Variants in MYO7B observed in about 807,000 individuals in gnomAD.
MYO7B encodes the protein myosin VIIB.
In MYO7B, 212 loss-of-function variants were observed where a neutral mutation model predicts 259.7. That is an observed-to-expected ratio of 0.82 (90% CI 0.73 to 0.91). MYO7B has a LOEUF of 0.91. Among genes scored for constraint, MYO7B ranks in the 40% least tolerant of loss-of-function variants. The pLI is 0.00. For synonymous variants in MYO7B, 1,197 were observed against 1,166.4 expected (o/e 1.03, Z -0.54); for missense variants, 2,732 against 2,813.5 (o/e 0.97, Z 0.66).
chr2:127,634,391 G>A (rs1681682403), intron 41 of MYO7B, 102 bp downstream of exon 41: 1 of 1,009,188 alleles, frequency 9.9e-7, no homozygotes, highest in Non-Finnish European at 1.5e-6. Flanking sequence ...CACCCATGCT[G>A]GACCAGGCTG....
intron 1 of MYO7B, among the ~76,000 whole-genome samples, chr2:127,556,658 G>A (rs1161477961): frequency 6.6e-6 from 1 of 152,144 alleles, no homozygotes; most frequent in Non-Finnish European, 1.5e-5. Context: ...GCTTAGTTTT[G>A]CTGGATACAA....
chr2:127,629,715 C>A lies in MYO7B; in HGVS notation c.4695C>A (p.Ala1565=). 6.2e-7 allele frequency: 1 copy of A among 1,612,388 alleles called. No individual in the cohort carries two copies. The highest frequency in any genetic ancestry group is 8.5e-7 in the Non-Finnish European group (1 of 1,179,490). ...LVLTKKQGLL[A]SENWTLGQND... Reference sequence around the variant, plus strand: ...TCACAAAGAAGCAGGGGCTGCTGGCCTCTGAGAACTGGACCCTCGGCCAGA... The same window carrying A: ...TCACAAAGAAGCAGGGGCTGCTGGCATCTGAGAACTGGACCCTCGGCCAGA... Residue 1565 remains alanine, a synonymous_variant, in exon 35 of 48, where the codon GCC becomes GCA. Coordinates refer to ENST00000409816, the MANE Select transcript of MYO7B (RefSeq NM_001393586.1).
rs1383758658 is a variant in MYO7B, at chr2:127,564,154, G to T, written c.20G>T (p.Gly7Val). Residue 7 changes from glycine to valine, a missense_variant and splice_region_variant, in exon 3 of 48, where the codon GGT becomes GTT. Around this residue, in one of 3 missense-constraint regions of MYO7B, gnomAD observed 1,906 missense variants for 2,026.4 expected, o/e 0.94. Coordinates refer to ENST00000409816, the MANE Select transcript of MYO7B (RefSeq NM_001393586.1). MSGFRL[G>V]DHVWLEPPST... ...CACTGTCTTCTGTCTGCCCTCCAGGGTGACCACGTGTGGCTGGAGCCTCCC... is the reference window on the plus strand; with the variant it reads ...CACTGTCTTCTGTCTGCCCTCCAGGTTGACCACGTGTGGCTGGAGCCTCCC... The T allele has an allele frequency of 6.4e-7, 1 of 1,558,382 alleles. No homozygotes were observed. The highest frequency in any genetic ancestry group is 8.7e-7 in the Non-Finnish European group (1 of 1,150,138).
chr2:127,626,437 G>A (rs1681120011), intron 31 of MYO7B: 1 of 155,310 alleles, frequency 6.4e-6, no homozygotes, highest in Non-Finnish European at 1.4e-5. Flanking sequence ...GGGACGGGAT[G>A]GCCTTCCTCC....
In MYO7B at chr2:127,627,470, G is replaced by T. The variant is rs1485297417; in HGVS notation, c.4460+160G>T. 32 of 997,052 alleles carry T rather than the reference G, an allele frequency of 3.2e-5. No homozygotes were observed. Among genetic ancestry groups the T allele is most frequent in the Non-Finnish European group, 4.9e-5 (32 of 659,392 alleles). The allele number at this position is 997,052 out of a possible 1,614,324, so 61.8% of individuals were successfully genotyped here. On this transcript the variant is annotated intron_variant, in intron 33 of 47. Coordinates refer to ENST00000409816, the MANE Select transcript of MYO7B (RefSeq NM_001393586.1). This position sits in a 1 kb window ranked among gnomAD's most constrained non-coding sequence, Gnocchi z 5.6. Reference sequence around the variant, plus strand: ...TATGCGATGGCTTCTGTACTTCGGAGCCCCACCCTCCTGCACCAGGCCGTA... The same window carrying T: ...TATGCGATGGCTTCTGTACTTCGGATCCCCACCCTCCTGCACCAGGCCGTA...
rs572065052 is a variant in MYO7B at position 127,588,569 on chromosome 2, C to A, written c.1854+14C>A. On this transcript the variant is annotated intron_variant, in intron 15 of 47. Coordinates refer to ENST00000409816, the MANE Select transcript of MYO7B (RefSeq NM_001393586.1). The stretch of plus-strand genomic sequence containing the variant: ...CATCTCTTCAAGGTGGGCTCCCAGG[C>A]ACCCTCCTGGGTCTGTCACCCCTGA... The A allele has an allele frequency of 3.5e-5, 57 of 1,612,432 alleles. 1 individual carries two copies. The South Asian group carries it at 6.3e-4, about 18-fold the overall frequency.
At chr2:127,537,642 C>G (rs1032589628) in intron 1 of MYO7B, among the ~76,000 whole-genome samples, 3 of 151,226 alleles carry the variant, frequency 2.0e-5, no homozygotes, top group African/African-American at 7.3e-5. Flanking sequence ...TGGGGAGACT[C>G]CATCTCTATA....
At chr2:127,634,785 TC>T in intron 42 of MYO7B, 102 bp downstream of exon 42, 1 of 1,122,356 alleles carries the variant, frequency 8.9e-7, no homozygotes, top group Non-Finnish European at 1.3e-6. Context: ...ATCCATTCGT[TC>T]CCGTGTGTCC....
In MYO7B at chr2:127,630,068, T is replaced by G. The variant is rs367935093; in HGVS notation, c.4806+242T>G. ...CCCTCCCTCTTCCATCATGGGGGTG[T>G]CCGGGGGACAAACCCAATCTTTCTC... is the stretch of plus-strand genomic sequence containing the variant. On this transcript the variant is annotated intron_variant, in intron 35 of 47. Coordinates refer to ENST00000409816, the MANE Select transcript of MYO7B (RefSeq NM_001393586.1). 3.1e-4 allele frequency among the ~76,000 whole-genome samples: 47 copies of G among 151,600 alleles called. 1 individual carries two copies. The South Asian group carries it at 9.3e-3, about 30-fold the overall frequency.
Position 127,609,781 on chromosome 2 carries a change from CGG to C in MYO7B, c.3025-65_3025-64del. On this transcript the variant is annotated intron_variant, in intron 23 of 47. Coordinates refer to ENST00000409816, the MANE Select transcript of MYO7B (RefSeq NM_001393586.1). The surrounding 1 kb of genome is among the most constrained non-coding windows in gnomAD (Gnocchi z 6.9). ...CGAGCCTGGGGTGTGAGCTATGGCT[CGG>C]GGAAAGAAGGAAGGGGCCATAGTCA... 1 of 1,611,138 alleles carries C rather than the reference CGG, an allele frequency of 6.2e-7. No homozygotes were observed. The highest frequency in any genetic ancestry group is 8.5e-7 in the Non-Finnish European group (1 of 1,177,636).
In MYO7B at chr2:127,620,466, G is replaced by T; in HGVS notation, c.3525G>T (p.Lys1175Asn). 6.3e-7 allele frequency: 1 copy of T among 1,578,246 alleles called. No individual in the cohort carries two copies. Among genetic ancestry groups the T allele is most frequent in the South Asian group, 1.1e-5 (1 of 87,718 alleles). ...TCCCACCCTCAGAGAGGTTCATGAA[G>T]GTGAGAGGGTTCATGAAGGGAGGGC... ...GCFPPSERFM[K>N]YLLNFIGQGP... The change falls in exon 27 of 48, where the codon AAG becomes AAT. Residue 1175 changes from lysine (K) to asparagine (N), a missense_variant and splice_region_variant. Lys to Asn is a moderately conservative substitution (Grantham distance 94). Coordinates refer to ENST00000409816, the MANE Select transcript of MYO7B (RefSeq NM_001393586.1).
Position 127,627,448 on chromosome 2 carries a change from G to T in MYO7B, c.4460+138G>T. The T allele has an allele frequency of 8.3e-7, 1 of 1,208,272 alleles. No individual in the cohort carries two copies. The highest frequency in any genetic ancestry group is 1.3e-5 in the South Asian group (1 of 75,018). 74.8% of individuals were successfully genotyped at this position (1,208,272 alleles called of 1,614,324 possible). ...GGTGGAGGGACAAGAATCTACGTAT[G>T]CGATGGCTTCTGTACTTCGGAGCCC... On this transcript the variant is annotated intron_variant, in intron 33 of 47. Transcript: ENST00000409816. This position sits in a 1 kb window ranked among gnomAD's most constrained non-coding sequence, Gnocchi z 5.6.
intron 24 of MYO7B, among the ~76,000 whole-genome samples, chr2:127,610,364 T>A (rs1027949508): frequency 6.6e-6 from 1 of 152,226 alleles, no homozygotes; most frequent in African/African-American, 2.4e-5. Flanking sequence ...CAGCTGCTAC[T>A]CTTAATTCAA....
At chr2:127,566,357 G>A (rs1218926068) in intron 4 of MYO7B, among the ~76,000 whole-genome samples, 1 of 152,188 alleles carries the variant, frequency 6.6e-6, no homozygotes, top group Non-Finnish European at 1.5e-5. Flanking sequence ...TTTTTATCGA[G>A]CCCCTTCTAA....
intron 31 of MYO7B, chr2:127,626,308 C>T (rs949325483): frequency 5.2e-5 from 8 of 152,506 alleles, no homozygotes; most frequent in African/African-American, 1.4e-4. Flanking sequence ...AAGATGCCCT[C>T]CTGCACGGAA....
chr2:127,571,595 C>T, intron 6 of MYO7B, among the ~76,000 whole-genome samples: 1 of 151,862 alleles, frequency 6.6e-6, no homozygotes, highest in Non-Finnish European at 1.5e-5. Flanking sequence ...ATTCTCCTGC[C>T]TCAGCCTCCC....
At chr2:127,599,390 T>C (rs1196760422) in intron 19 of MYO7B, among the ~76,000 whole-genome samples, 1 of 152,246 alleles carries the variant, frequency 6.6e-6, no homozygotes, top group African/African-American at 2.4e-5. Flanking sequence ...TGTGTTGACT[T>C]CATATCCTGC....
rs760945158 is a variant in MYO7B at position 127,620,425 on chromosome 2, C to G, written c.3484C>G (p.Leu1162Val). 2 of 1,608,574 alleles carry G rather than the reference C, an allele frequency of 1.2e-6. No individual in the cohort carries two copies. The highest frequency in any genetic ancestry group is 2.2e-5 in the South Asian group (2 of 90,678). The change falls in exon 27 of 48, where the codon CTC becomes GTC. Residue 1162 changes from leucine (L) to valine (V), a missense_variant. By Grantham distance (32) the Leu-to-Val change is conservative. Transcript: ENST00000409816. The part of the protein sequence containing the change: ...SLARGWILLS[L>V]CLGCFPPSER... The stretch of plus-strand genomic sequence containing the variant: ...GGCCCGGGGCTGGATCCTGCTCAGC[C>G]TCTGCCTCGGCTGCTTCCCACCCTC...
At chr2:127,637,100 G>A (rs1384891101) in intron 47 of MYO7B, 187 bp downstream of exon 47, 5 of 1,137,106 alleles carry the variant, frequency 4.4e-6, no homozygotes, top group Middle Eastern at 1.9e-4. Context: ...GCAAGGCCAG[G>A]CGGGACCCCC....
Sources: gnomAD v4.1 joint callset for allele counts (sites outside exome capture counted in the v4.1 genomes callset) on GRCh38, gnomAD v4.1.1 for gene constraint, gnomAD v4.1.1 regional missense constraint, Gnocchi (gnomAD v3.1) non-coding constraint, MANE v1.5 for transcripts, NCBI Gene and HGNC (gene_info 2026-07-23, HGNC 2026-07-21) for gene names.